PDE4B: variants seen among roughly 807,000 people sequenced by gnomAD.
The protein encoded by PDE4B is 3',5'-cyclic-AMP phosphodiesterase 4B.
A neutral mutation model predicts 82.2 loss-of-function variants in PDE4B; 20 were observed. The observed-to-expected ratio is 0.24, with a 90% confidence interval of 0.17 to 0.35. The LOEUF (loss-of-function observed/expected upper bound fraction) is 0.35, where lower values mean the gene tolerates loss of function less well. PDE4B is among the 10% of genes least tolerant of loss of function. The probability of loss-of-function intolerance (pLI) is 1.00; values close to 1 mark genes in which losing one functional copy is unlikely to be tolerated. For missense variants in PDE4B, 655 were observed against 907.2 expected (o/e 0.72, Z 3.57); for synonymous variants, 320 against 318.9 (o/e 1.00, Z -0.04).
chr1:66,326,078 T>C (rs1659730847), intron 7 of PDE4B, among the ~76,000 whole-genome samples: 1 of 152,202 alleles, frequency 6.6e-6, no homozygotes, highest in Admixed American at 6.5e-5. Flanking sequence ...AACCAACATT[T>C]GTCGTTGTTT....
intron 7 of PDE4B, among the ~76,000 whole-genome samples, chr1:66,269,745 A>T (rs1415272658): frequency 2.6e-5 from 4 of 152,318 alleles, no homozygotes; most frequent in African/African-American, 4.8e-5. Context: ...TCATGACAGT[A>T]AGAATTTACT....
At chr1:66,115,092 T>C (rs1009040668) in intron 3 of PDE4B, among the ~76,000 whole-genome samples, 7 of 152,206 alleles carry the variant, frequency 4.6e-5, no homozygotes, top group Admixed American at 3.3e-4. Flanking sequence ...TTTGTTGAAA[T>C]TGTGTGATCA....
intron 3 of PDE4B, among the ~76,000 whole-genome samples, chr1:65,930,268 C>T (rs992962741): frequency 2.0e-5 from 3 of 152,248 alleles, no homozygotes; most frequent in Non-Finnish European, 2.9e-5. Flanking sequence ...CCCGAGCCCA[C>T]TGACTCAAAT....
chr1:65,794,708 C>T (rs1645611959), intron 1 of PDE4B, among the ~76,000 whole-genome samples: 1 of 152,104 alleles, frequency 6.6e-6, no homozygotes, highest in Non-Finnish European at 1.5e-5. Context: ...TATTCTTTTT[C>T]ATTTTCTAAA....
intron 3 of PDE4B, among the ~76,000 whole-genome samples, chr1:66,167,358 G>A (rs1192511185): frequency 1.3e-5 from 2 of 152,056 alleles, no homozygotes; most frequent in South Asian, 2.1e-4. Context: ...ATTTATTTTG[G>A]TAGTAAAAAG....
At chr1:66,064,600 A>G (rs1276685797) in intron 3 of PDE4B, among the ~76,000 whole-genome samples, 1 of 151,990 alleles carries the variant, frequency 6.6e-6, no homozygotes, top group African/African-American at 2.4e-5. Context: ...CCCATTTACC[A>G]GTAGAGTTCT....
chr1:66,061,206 A>G (rs535816358), intron 3 of PDE4B, among the ~76,000 whole-genome samples: 2 of 150,300 alleles, frequency 1.3e-5, no homozygotes, highest in South Asian at 2.2e-4. Context: ...GAAGGGAAGC[A>G]TTGTATAAGA....
chr1:65,995,682 G>A (rs1651502371), intron 3 of PDE4B, among the ~76,000 whole-genome samples: 2 of 152,092 alleles, frequency 1.3e-5, no homozygotes, highest in Admixed American at 6.6e-5. Flanking sequence ...TTGCCTCTTT[G>A]TCATAGTGAA....
rs184599750 is a variant in PDE4B, at chr1:66,216,395, T to C, written c.282-31065T>C. Among the ~76,000 whole-genome samples, 313 of 152,114 alleles carry C rather than the reference T, an allele frequency of 2.1e-3. 1 individual carries two copies. The highest frequency in any genetic ancestry group is 7.2e-3 in the African/African-American group (297 of 41,490). On this transcript the variant is annotated intron_variant, in intron 3 of 16. Transcript: ENST00000341517. ...AATTCAAAAAATAAAAAGTCGTTCT[T>C]AATTTATCCCCAACAGAGTTGAGAT... is the stretch of plus-strand genomic sequence containing the variant.
At chr1:66,173,777 G>A (rs926191758) in intron 3 of PDE4B, among the ~76,000 whole-genome samples, 8 of 152,024 alleles carry the variant, frequency 5.3e-5, no homozygotes, top group Non-Finnish European at 2.9e-5. Flanking sequence ...ACTTACTTGG[G>A]TTTTTTTGTT....
intron 3 of PDE4B, among the ~76,000 whole-genome samples, chr1:65,922,989 G>A (rs1483873758): frequency 6.6e-6 from 1 of 152,000 alleles, no homozygotes; most frequent in Non-Finnish European, 1.5e-5. Context: ...CTGCCCTTTT[G>A]AGTATTCCCC....
At chr1:66,200,100 G>A (rs1648747112) in intron 3 of PDE4B, among the ~76,000 whole-genome samples, 1 of 152,088 alleles carries the variant, frequency 6.6e-6, no homozygotes, top group African/African-American at 2.4e-5. Context: ...TATTAAATAG[G>A]GAATCCTTTC....
At chr1:66,248,579 A>C (rs6675559) in intron 4 of PDE4B, among the ~76,000 whole-genome samples, 31,520 of 152,124 alleles carry the variant, frequency 0.21, 6,699 homozygotes, top group African/African-American at 0.53. Context: ...AAAATATCTC[A>C]ATCATTGTGT....
chr1:65,868,751 T>TACCGCC (rs1646540803), intron 1 of PDE4B, among the ~76,000 whole-genome samples: 1 of 152,178 alleles, frequency 6.6e-6, no homozygotes, highest in South Asian at 2.1e-4. Context: ...CAGCGAGCAT[T>TACCGCC]ACCGCCTGAA....
chr1:66,120,864 A>G (rs1570282882), intron 3 of PDE4B, among the ~76,000 whole-genome samples: 1 of 152,040 alleles, frequency 6.6e-6, no homozygotes, highest in Non-Finnish European at 1.5e-5. Context: ...AGAACTATTT[A>G]TTTCCCTACT....
At chr1:65,903,949 G>T (rs538749519) in intron 1 of PDE4B, among the ~76,000 whole-genome samples, 15 of 152,234 alleles carry the variant, frequency 9.9e-5, no homozygotes, top group Non-Finnish European at 1.9e-4. Context: ...TGAAGTCCTG[G>T]AAAGATTTCT....
chr1:66,117,003 C>T (rs555499013), intron 3 of PDE4B, among the ~76,000 whole-genome samples: 1 of 152,136 alleles, frequency 6.6e-6, no homozygotes, highest in African/African-American at 2.4e-5. Context: ...TCCAAAGTGC[C>T]GGTGACTGCC....
intron 3 of PDE4B, among the ~76,000 whole-genome samples, chr1:66,114,568 ACT>A (rs1645554101): frequency 6.6e-6 from 1 of 151,174 alleles, no homozygotes; most frequent in Non-Finnish European, 1.5e-5. Flanking sequence ...CCCCTTAAAG[ACT>A]CTCTGAAAAC....
At chr1:66,070,165 A>G (rs1313475407) in intron 3 of PDE4B, among the ~76,000 whole-genome samples, 1 of 152,090 alleles carries the variant, frequency 6.6e-6, no homozygotes, top group African/African-American at 2.4e-5. Flanking sequence ...TCTCATAATC[A>G]TAGCCACAGG....
Sources: allele counts gnomAD v4.1 joint callset (sites outside exome capture counted in the v4.1 genomes callset), GRCh38; gene constraint gnomAD v4.1.1; transcripts MANE v1.5; gene names NCBI Gene and HGNC (gene_info 2026-07-23, HGNC 2026-07-21).